Variants in GPR179 observed in about 807,000 individuals in gnomAD.
The protein encoded by GPR179 is probable G protein-coupled receptor 179.
A neutral mutation model predicts 70.8 loss-of-function variants in GPR179; 52 were observed. That is an observed-to-expected ratio of 0.73 (90% CI 0.59 to 0.93). The LOEUF (loss-of-function observed/expected upper bound fraction) is 0.93. Among genes scored for constraint, GPR179 ranks in the 40% least tolerant of loss-of-function variants. The probability of loss-of-function intolerance (pLI) is 0.00; values close to 1 mark genes in which losing one functional copy is unlikely to be tolerated. For missense variants in GPR179, 2,734 were observed against 2,966.8 expected (o/e 0.92, Z 1.82); for synonymous variants, 1,123 against 1,169.0 (o/e 0.96, Z 0.80).
rs201645982 is a variant in GPR179, at chr17:38,329,191, C to T, written c.4378G>A (p.Ala1460Thr). 2.7e-5 allele frequency: 44 copies of T among 1,613,896 alleles called. No homozygotes were observed. The highest frequency in any genetic ancestry group is 3.6e-5 in the Non-Finnish European group (43 of 1,179,986). ...CCTGCCTCCCACAGACACACTTCAG[C>T]AATGCCACTGCCCAAACTCCCTGAA... ...ECSGSLGSGIAEVCLWEAGDA... is the reference protein window; with the variant it reads ...ECSGSLGSGITEVCLWEAGDA... The change falls in exon 11 of 11, where the codon GCT becomes ACT. Residue 1460 changes from alanine to threonine, a missense_variant. Physicochemically the swap from Ala to Thr is moderately conservative, Grantham distance 58 (BLOSUM62 0). Coordinates refer to ENST00000616987, the MANE Select transcript of GPR179 (RefSeq NM_001004334.4).
At chr17:38,340,383 C>T (rs1242220601) in intron 1 of GPR179, among the ~76,000 whole-genome samples, 1 of 151,786 alleles carries the variant, frequency 6.6e-6, no homozygotes, top group East Asian at 1.9e-4. Context: ...CCCAAGCAAT[C>T]CTCCCACCTC....
chr17:38,335,319 T>A, intron 6 of GPR179, 48 bp from the exon 7 acceptor site: 1 of 1,417,120 alleles, frequency 7.1e-7, no homozygotes, highest in Non-Finnish European at 9.7e-7. Context: ...CCTGGGTGGA[T>A]CACGAAGAGG....
At position 38,325,236 on chromosome 17, in the gene GPR179, C is replaced by T. The variant is rs759388284; in HGVS notation, c.*1229G>A. Among the ~76,000 whole-genome samples the T allele has an allele frequency of 2.4e-4, 36 of 152,104 alleles. No individual in the cohort carries two copies. Among genetic ancestry groups the T allele is most frequent in the African/African-American group, 6.8e-4 (28 of 41,408 alleles). ...CTTAAGCAAGTGTAGCCTGAACTGA[C>T]GAGAGAAGGGAGCCAAGAAAGAGAG... On this transcript the variant is annotated 3_prime_UTR_variant, in exon 11 of 11. Transcript: ENST00000616987.
chr17:38,330,923 C>T lies in GPR179; in HGVS notation c.2646G>A (p.Leu882=). 2 of 1,608,442 alleles carry T rather than the reference C, an allele frequency of 1.2e-6. No individual in the cohort carries two copies. The highest frequency in any genetic ancestry group is 1.3e-5 in the African/African-American group (1 of 75,018). ...RKKAKAAMAS[L]VRRPSARRLE... Reference sequence around the variant, plus strand: ...GCCTCCTGGCTGATGGCCTCCGCACCAGGCTGGCCATGGCTGCCTTGGCCT... The same window carrying T: ...GCCTCCTGGCTGATGGCCTCCGCACTAGGCTGGCCATGGCTGCCTTGGCCT... Residue 882 remains leucine, a synonymous_variant, in exon 11 of 11, where the codon CTG becomes CTA. Coordinates refer to ENST00000616987, the MANE Select transcript of GPR179 (RefSeq NM_001004334.4).
In GPR179 at chr17:38,327,726, TC is replaced by T. The variant is rs937825308; in HGVS notation, c.5842del (p.Glu1948LysfsTer25). On this transcript the variant is annotated frameshift_variant, in exon 11 of 11. Coordinates refer to ENST00000616987, the MANE Select transcript of GPR179 (RefSeq NM_001004334.4). LOFTEE classifies it low-confidence loss of function (END_TRUNC). ...DTEEFTTEDG[E>X]KTSHELQSVC... ...GGATTGTAGCTCATGGCTTGTTTTT[TC>T]CCCATCTTCAGTAGTGAATTCTTCT... 1 of 1,614,220 alleles carries T rather than the reference TC, an allele frequency of 6.2e-7. No individual in the cohort carries two copies. Among genetic ancestry groups the T allele is most frequent in the Non-Finnish European group, 8.5e-7 (1 of 1,180,038 alleles).
chr17:38,327,554 T>C lies in GPR179; in HGVS notation c.6015A>G (p.Ala2005=). 2 of 1,614,078 alleles carry C rather than the reference T, an allele frequency of 1.2e-6. No homozygotes were observed. The highest frequency in any genetic ancestry group is 1.7e-6 in the Non-Finnish European group (2 of 1,180,016). The change falls in exon 11 of 11, where the codon GCA becomes GCG. Residue 2005 remains alanine (A), a synonymous_variant. Transcript: ENST00000616987. ...ADVCPWDVPD[A]GVYKSDSSAK... ...CACTGCTGTCAGATTTATACACACC[T>C]GCATCAGGAACATCCCATGGGCACA...
chr17:38,333,444 T>G, intron 9 of GPR179, 47 bp from the exon 10 acceptor site: 1 of 1,580,194 alleles, frequency 6.3e-7, no homozygotes, highest in South Asian at 1.2e-5. Flanking sequence ...CCTGGCTCCT[T>G]GTCCACTCCT....
intron 1 of GPR179, 53 bp from the exon 2 acceptor site, chr17:38,339,578 G>A (rs116838562): frequency 6.2e-6 from 8 of 1,285,256 alleles, no homozygotes; most frequent in African/African-American, 5.8e-5. Context: ...CAAAGTGGAC[G>A]TGTGTCCCTG....
rs780638075 is a variant in GPR179, at chr17:38,329,621, C to A, written c.3948G>T (p.Glu1316Asp). ...MRKKPERLVR[E>D]QEAVCPWESA... Reference sequence around the variant, plus strand: ...TCTCCCAGGGACACACTGCTTCCTGCTCCCTCACCAGCCTCTCTGGCTTTT... The same window carrying A: ...TCTCCCAGGGACACACTGCTTCCTGATCCCTCACCAGCCTCTCTGGCTTTT... The change falls in exon 11 of 11, where the codon GAG (glutamate) becomes GAT (aspartate). Residue 1316 changes from glutamate (E) to aspartate (D), a missense_variant. Transcript: ENST00000616987. 1 of 1,614,138 alleles carries A rather than the reference C, an allele frequency of 6.2e-7. No homozygotes were observed. The highest frequency in any genetic ancestry group is 1.7e-5 in the Admixed American group (1 of 60,028).
Position 38,334,835 on chromosome 17 carries a change from C to T in GPR179, c.1653G>A (p.Leu551=), listed in dbSNP as rs755438543. 6.2e-6 allele frequency: 10 copies of T among 1,612,136 alleles called. No individual in the cohort carries two copies. Among genetic ancestry groups the T allele is most frequent in the Non-Finnish European group, 8.5e-6 (10 of 1,179,852 alleles). Residue 551 remains leucine, a synonymous_variant, in exon 8 of 11, where the codon CTG becomes CTA. Coordinates refer to ENST00000616987, the MANE Select transcript of GPR179 (RefSeq NM_001004334.4). This position sits in a 1 kb window ranked among gnomAD's most constrained non-coding sequence, Gnocchi z 4.7. The part of the protein sequence containing the change: ...RWDYIMVVAE[L]LLLCWGSFLC... ...GGAAGCTGCCCCAGCACAGCAGCAG[C>T]AGCTCAGCTGTGGGGAGACAGGGAG...
chr17:38,331,510 C>G lies in GPR179; in HGVS notation c.2059G>C (p.Ala687Pro). ...TTGGTTTTGTGGACCTCTAGCTGGGCATAGAGCTTCTTCAGCTCGTCCTGT... is the reference window on the plus strand; with the variant it reads ...TTGGTTTTGTGGACCTCTAGCTGGGGATAGAGCTTCTTCAGCTCGTCCTGT... ...DIRDELKKLY[A>P]QLEVHKTKEM... is the part of the protein sequence containing the mutation. Residue 687 changes from alanine (A) to proline (P), a missense_variant, in exon 11 of 11, where the codon GCC becomes CCC. Coordinates refer to ENST00000616987, the MANE Select transcript of GPR179 (RefSeq NM_001004334.4). 1 of 1,609,268 alleles carries G rather than the reference C, an allele frequency of 6.2e-7. No individual in the cohort carries two copies. Among genetic ancestry groups the G allele is most frequent in the Non-Finnish European group, 8.5e-7 (1 of 1,176,676 alleles).
chr17:38,336,562 GA>G (rs1395108000), intron 4 of GPR179, among the ~76,000 whole-genome samples: 1 of 152,164 alleles, frequency 6.6e-6, no homozygotes, highest in Non-Finnish European at 1.5e-5. Context: ...GTCACATCCA[GA>G]AAGTCTTTCC....
intron 1 of GPR179, among the ~76,000 whole-genome samples, chr17:38,339,908 A>G (rs1227392513): frequency 6.6e-6 from 1 of 152,200 alleles, no homozygotes; most frequent in Non-Finnish European, 1.5e-5. Flanking sequence ...CTTGACTGAT[A>G]GTAAGTAGGT....
rs757675616 is a variant in GPR179, at chr17:38,328,834, T to C, written c.4735A>G (p.Arg1579Gly). The change falls in exon 11 of 11, where the codon AGG (arginine) becomes GGG (glycine). Residue 1579 changes from arginine (R) to glycine (G), a missense_variant. Coordinates refer to ENST00000616987, the MANE Select transcript of GPR179 (RefSeq NM_001004334.4). ...ATQVCPQEDL[R>G]PEAQEATPAK... ...GGTGTTGCTTCCTGTGCCTCCGGCC[T>C]GAGATCTTCCTGTGGACACACCTGC... 4.3e-6 allele frequency: 7 copies of C among 1,611,436 alleles called. No homozygotes were observed. In the South Asian group the frequency reaches 7.7e-5, roughly 18 times the overall value.
rs1384264561 is a variant in GPR179 at position 38,325,306 on chromosome 17, C to T, written c.*1159G>A. 1.3e-5 allele frequency among the ~76,000 whole-genome samples: 2 copies of T among 152,158 alleles called. No individual in the cohort carries two copies. Among genetic ancestry groups the T allele is most frequent in the Non-Finnish European group, 2.9e-5 (2 of 68,040 alleles). ...CTTTGTCTTCACACAGTGCCCTTTT[C>T]CCAGCTCTCAGGCTTCTAACTTGCC... On this transcript the variant is annotated 3_prime_UTR_variant, in exon 11 of 11. Transcript: ENST00000616987.
At position 38,334,761 on chromosome 17, in the gene GPR179, T is replaced by G. The variant is rs1017297948; in HGVS notation, c.1727A>C (p.Tyr576Ser). 3.1e-6 allele frequency: 5 copies of G among 1,613,736 alleles called. No homozygotes were observed. The highest frequency in any genetic ancestry group is 4.2e-6 in the Non-Finnish European group (5 of 1,179,946). ...AVLSAFHEPR[Y>S]MGIALHNELL... ...CTCATTGTGCAGGGCGATGCCCATG[T>G]AGCGTGGCTCATGGAAGGCCGAGAG... The change falls in exon 8 of 11, where the codon TAC (tyrosine) becomes TCC (serine). Residue 576 changes from tyrosine to serine, a missense_variant. By Grantham distance (144) the Tyr-to-Ser change is moderately radical (BLOSUM62 -2). Transcript: ENST00000616987. The surrounding 1 kb of genome is among the most constrained non-coding windows in gnomAD (Gnocchi z 4.7).
chr17:38,338,004 C>T (rs1400135131), intron 2 of GPR179, among the ~76,000 whole-genome samples: 4 of 152,224 alleles, frequency 2.6e-5, no homozygotes, highest in African/African-American at 4.8e-5. Flanking sequence ...CCTCATAGGA[C>T]CCATTTCCTA....
chr17:38,343,095 G>T lies in GPR179; in HGVS notation c.695C>A (p.Pro232His). ...CCGTCCCTCCTGGCATTCCAGGAAA[G>T]GAGGAGACAGCCTCACCTGCTGCGT... ...GDTQQVRLSP[P>H]FLECQEGRLR... The change falls in exon 1 of 11, where the codon CCT becomes CAT. Residue 232 changes from proline to histidine, a missense_variant. Transcript: ENST00000616987. This position sits in a 1 kb window ranked among gnomAD's most constrained non-coding sequence, Gnocchi z 4.2. 1 of 1,614,214 alleles carries T rather than the reference G, an allele frequency of 6.2e-7. No homozygotes were observed. Among genetic ancestry groups the T allele is most frequent in the African/African-American group, 1.3e-5 (1 of 75,068 alleles).
In GPR179 at chr17:38,330,124, CA is replaced by C. The variant is rs745695474; in HGVS notation, c.3444del (p.Asp1148GlufsTer36). 1 of 1,607,414 alleles carries C rather than the reference CA, an allele frequency of 6.2e-7. No individual in the cohort carries two copies. The highest frequency in any genetic ancestry group is 1.1e-5 in the South Asian group (1 of 90,162). On this transcript the variant is annotated frameshift_variant, in exon 11 of 11. Transcript: ENST00000616987. LOFTEE classifies it low-confidence loss of function (END_TRUNC). ...VSKQAALIPS[D>X]DKESLQNQQN... ...TGTTGGTTCTGGAGGGACTCCTTGT[CA>C]TCGGAGGGGATAAGAGCGGCCTGCT...
Sources: allele counts gnomAD v4.1 joint callset (sites outside exome capture counted in the v4.1 genomes callset), GRCh38; gene constraint gnomAD v4.1.1; non-coding constraint Gnocchi (gnomAD v3.1); transcripts MANE v1.5; gene names NCBI Gene and HGNC (gene_info 2026-07-23, HGNC 2026-07-21).